Variants in ZFHX2 observed in about 807,000 individuals in gnomAD.
ZFHX2 encodes the protein zinc finger homeobox 2.
Under a neutral mutation model 164.8 loss-of-function variants are expected in ZFHX2, and 75 were observed. That is an observed-to-expected ratio of 0.46 (90% CI 0.38 to 0.55). ZFHX2 has a LOEUF of 0.55. Among genes scored for constraint, ZFHX2 ranks in the 20% least tolerant of loss-of-function variants. ZFHX2 has a pLI of 0.00. For missense variants in ZFHX2, 2,933 were observed against 3,308.0 expected (o/e 0.89, Z 2.78); for synonymous variants, 1,217 against 1,351.4 (o/e 0.90, Z 2.18).
In ZFHX2 at chr14:23,534,837, G is replaced by C; in HGVS notation, c.489C>G (p.Pro163=). 6.5e-7 allele frequency: 1 copy of C among 1,536,170 alleles called. No homozygotes were observed. The highest frequency in any genetic ancestry group is 8.7e-7 in the Non-Finnish European group (1 of 1,146,896). The part of the protein sequence containing the change: ...PSLPFLAYPP[P]SHLTALHIQH... Reference sequence around the variant, plus strand: ...GGATGTGAAGGGCAGTGAGGTGTGAGGGGGGTGGGTAGGCAAGGAAGGGCA... The same window carrying C: ...GGATGTGAAGGGCAGTGAGGTGTGACGGGGGTGGGTAGGCAAGGAAGGGCA... The change falls in exon 2 of 10, where the codon CCC becomes CCG. Residue 163 remains proline (P), a synonymous_variant. Coordinates refer to ENST00000419474, the MANE Select transcript of ZFHX2 (RefSeq NM_033400.3). The surrounding 1 kb of genome is among the most constrained non-coding windows in gnomAD (Gnocchi z 4.5).
rs980188777 is a variant in ZFHX2, at chr14:23,521,259, G to A, written c.*703C>T. ...CCCTGTCAGGCAAGGAGAGGGTTAG[G>A]AGGGAGAGGGTAGGAAGAGTGAACC... is the stretch of plus-strand genomic sequence containing the variant. On this transcript the variant is annotated 3_prime_UTR_variant, in exon 10 of 10. Transcript: ENST00000419474. The A allele has an allele frequency of 6.6e-6, 1 of 152,468 alleles. No homozygotes were observed. Among genetic ancestry groups the A allele is most frequent in the African/African-American group, 2.4e-5 (1 of 41,456 alleles). The allele number at this position is 152,468 out of a possible 1,614,324, so 9.4% of individuals were successfully genotyped here.
rs770776260 is a variant in ZFHX2 at position 23,522,751 on chromosome 14, G to A, written c.6930C>T (p.Ser2310=). 1.3e-4 allele frequency: 204 copies of A among 1,536,372 alleles called. No individual in the cohort carries two copies. The highest frequency in any genetic ancestry group is 1.6e-4 in the Non-Finnish European group (189 of 1,146,940). ...PPTEPLGDKV[S]SERKPVAGPT... is the part of the protein sequence containing the mutation. ...GGCCTGCAACTGGCTTTCGCTCACTGGAGACCTTGTCCCCCAAGGGCTCAG... is the reference window on the plus strand; with the variant it reads ...GGCCTGCAACTGGCTTTCGCTCACTAGAGACCTTGTCCCCCAAGGGCTCAG... The change falls in exon 10 of 10, where the codon TCC becomes TCT. Residue 2310 remains serine, a synonymous_variant. Transcript: ENST00000419474.
Position 23,528,648 on chromosome 14 carries a change from C to A in ZFHX2, c.2935-844G>T, listed in dbSNP as rs573671158. On this transcript the variant is annotated intron_variant, in intron 6 of 9. Coordinates refer to ENST00000419474, the MANE Select transcript of ZFHX2 (RefSeq NM_033400.3). ...CCCTACCTGTCTGCTCAGAAGCCAGCTCATCCTCCCTCAGGCTCAGCAGCT... is the reference window on the plus strand; with the variant it reads ...CCCTACCTGTCTGCTCAGAAGCCAGATCATCCTCCCTCAGGCTCAGCAGCT... 201 of 985,428 alleles carry A rather than the reference C, an allele frequency of 2.0e-4. 2 individuals carry two copies. The South Asian group carries it at 8.2e-3, about 40-fold the overall frequency. 61.0% of individuals were successfully genotyped at this position (985,428 alleles called of 1,614,324 possible). A position where few individuals can be genotyped will look rare whatever the true frequency, so the allele number is the denominator to read the frequency against.
In ZFHX2 at chr14:23,522,577, C is replaced by G. The variant is rs970999032; in HGVS notation, c.7104G>C (p.Gly2368=). 9 of 1,527,032 alleles carry G rather than the reference C, an allele frequency of 5.9e-6. No homozygotes were observed. Among genetic ancestry groups the G allele is most frequent in the Middle Eastern group, 1.7e-4 (1 of 5,918 alleles). The allele number at this position is 1,527,032 out of a possible 1,614,324, so 94.6% of individuals were successfully genotyped here. ...PPAVFGPQLQ[G]AYFQQLYGMK... ...TGCCATAGAGCTGTTGGAAGTAGGCCCCCTGTAGCTGGGGGCCAAAGACAG... is the reference window on the plus strand; with the variant it reads ...TGCCATAGAGCTGTTGGAAGTAGGCGCCCTGTAGCTGGGGGCCAAAGACAG... Residue 2368 remains glycine (G), a synonymous_variant, in exon 10 of 10, where the codon GGG becomes GGC. Transcript: ENST00000419474.
At chr14:23,553,616 C>T (rs966596450), upstream of ZFHX2, among the ~76,000 whole-genome samples, 5 of 150,584 alleles carry the variant, frequency 3.3e-5, no homozygotes, top group African/African-American at 7.3e-5. Context: ...AAAAACAGGC[C>T]GGGCGTGGTG....
intron 1 of ZFHX2, chr14:23,543,264 A>G (rs534827433): frequency 6.6e-6 from 1 of 152,342 alleles, no homozygotes; most frequent in Admixed American, 6.5e-5. Context: ...GTAGCTATTC[A>G]TTCCTATTTT....
intron 1 of ZFHX2, among the ~76,000 whole-genome samples, chr14:23,550,060 G>A (rs1291001372): frequency 1.3e-5 from 2 of 152,198 alleles, no homozygotes; most frequent in African/African-American, 2.4e-5. Context: ...GGGGAAGGGA[G>A]TAAAATTAAG....
rs1026495114 is a variant in ZFHX2, at chr14:23,526,645, A to T, written c.3297T>A (p.Asp1099Glu). Residue 1099 changes from aspartate to glutamate, a missense_variant, in exon 9 of 10, where the codon GAT (aspartate) becomes GAA (glutamate). Transcript: ENST00000419474. ...GPNLTPEASP[D>E]PLPEPPLASV... ...AGGCCAGGGGAGGCTCAGGAAGAGG[A>T]TCTGGACTGGCTTCTGGGGTCAGGT... 5.2e-6 allele frequency: 8 copies of T among 1,535,838 alleles called. No individual in the cohort carries two copies. Among genetic ancestry groups the T allele is most frequent in the Middle Eastern group, 3.3e-4 (2 of 6,012 alleles).
At chr14:23,530,056 A>G in intron 5 of ZFHX2, 64 bp downstream of exon 5, 1 of 1,396,932 alleles carries the variant, frequency 7.2e-7, no homozygotes, top group Non-Finnish European at 9.8e-7. Flanking sequence ...CTCCTGGATT[A>G]CTGCAAGGTC....
At chr14:23,527,438 C>T (rs1320406095) in intron 7 of ZFHX2, among the ~76,000 whole-genome samples, 166 bp downstream of exon 7, 1 of 152,168 alleles carries the variant, frequency 6.6e-6, no homozygotes, top group Non-Finnish European at 1.5e-5. Context: ...CTGGATGGCC[C>T]TAACAAGGCC....
At chr14:23,528,024 C>G (rs1358070279) in intron 6 of ZFHX2, among the ~76,000 whole-genome samples, 1 of 151,758 alleles carries the variant, frequency 6.6e-6, no homozygotes, top group Non-Finnish European at 1.5e-5. Context: ...CTCCTGCCCT[C>G]AGCCTCCCAA....
At chr14:23,537,862 C>A (rs1043560326) in intron 1 of ZFHX2, among the ~76,000 whole-genome samples, 12 of 152,174 alleles carry the variant, frequency 7.9e-5, no homozygotes, top group African/African-American at 2.9e-4. Context: ...CTTCCACTAC[C>A]CCACCTGGTG....
In ZFHX2 at chr14:23,525,157, G is replaced by A; in HGVS notation, c.4785C>T (p.Arg1595=). ...GNLPPLVPAG[R]RFSRTKFTEF... is the part of the protein sequence containing the mutation. Reference sequence around the variant, plus strand: ...CTGTGAACTTGGTTCTGGAGAACCGGCGGCCGGCAGGCACCAGGGGAGGAA... The same window carrying A: ...CTGTGAACTTGGTTCTGGAGAACCGACGGCCGGCAGGCACCAGGGGAGGAA... Residue 1595 remains arginine, a synonymous_variant, in exon 9 of 10, where the codon CGC becomes CGT. Transcript: ENST00000419474. This position sits in a 1 kb window ranked among gnomAD's most constrained non-coding sequence, Gnocchi z 5.9. 1 of 1,536,152 alleles carries A rather than the reference G, an allele frequency of 6.5e-7. No homozygotes were observed. Among genetic ancestry groups the A allele is most frequent in the Non-Finnish European group, 8.7e-7 (1 of 1,146,918 alleles).
chr14:23,538,903 G>A (rs1373679472), intron 1 of ZFHX2, among the ~76,000 whole-genome samples: 1 of 152,140 alleles, frequency 6.6e-6, no homozygotes, highest in African/African-American at 2.4e-5. Context: ...GCCACAGACG[G>A]CAGAAAGAGT....
rs1341704394 is a variant in ZFHX2, at chr14:23,523,239, G to C, written c.6703C>G (p.Gln2235Glu). ...PVLLSGPALA[Q>E]PPLGNLAPFN... ...GGAGCTAAGTTGCCCAGCGGGGGCT[G>C]AGCCAGAGCTGGGCCAGATAAGAGG... The change falls in exon 9 of 10, where the codon CAG (glutamine) becomes GAG (glutamate). Residue 2235 changes from glutamine (Q) to glutamate (E), a missense_variant. Gln to Glu is a conservative substitution (Grantham distance 29). Coordinates refer to ENST00000419474, the MANE Select transcript of ZFHX2 (RefSeq NM_033400.3). The surrounding 1 kb of genome is among the most constrained non-coding windows in gnomAD (Gnocchi z 4.1). 11 of 1,433,358 alleles carry C rather than the reference G, an allele frequency of 7.7e-6. No individual in the cohort carries two copies. Among genetic ancestry groups the C allele is most frequent in the Non-Finnish European group, 1.0e-5 (11 of 1,097,846 alleles). The allele number at this position is 1,433,358 out of a possible 1,614,324, so 88.8% of individuals were successfully genotyped here.
Position 23,533,994 on chromosome 14 carries a change from G to C in ZFHX2, c.1332C>G (p.Leu444=). ...GTGTCTTGCAGGAGTTGCGTGAGTG[G>C]AGCAGGGACATGTGGCTGGACAGGC... ...GLSLSSHMSL[L]HSRNSCKTLK... Residue 444 remains leucine, a synonymous_variant, in exon 2 of 10, where the codon CTC becomes CTG. Transcript: ENST00000419474. This position sits in a 1 kb window ranked among gnomAD's most constrained non-coding sequence, Gnocchi z 4.8. 2 of 1,537,462 alleles carry C rather than the reference G, an allele frequency of 1.3e-6. No individual in the cohort carries two copies. The highest frequency in any genetic ancestry group is 1.7e-6 in the Non-Finnish European group (2 of 1,146,948).
chr14:23,524,540 G>C lies in ZFHX2; in HGVS notation c.5402C>G (p.Pro1801Arg), dbSNP rs764169611. The C allele has an allele frequency of 9.2e-6, 14 of 1,527,374 alleles. No individual in the cohort carries two copies. The South Asian group carries it at 1.2e-4, about 13-fold the overall frequency. The allele number at this position is 1,527,374 out of a possible 1,614,324, so 94.6% of individuals were successfully genotyped here. The change falls in exon 9 of 10, where the codon CCC (proline) becomes CGC (arginine). Residue 1801 changes from proline (P) to arginine (R), a missense_variant. Coordinates refer to ENST00000419474, the MANE Select transcript of ZFHX2 (RefSeq NM_033400.3). The surrounding 1 kb of genome is among the most constrained non-coding windows in gnomAD (Gnocchi z 5.6). ...CAAGGGCAGATCTAGGAGTTGGGGGGGAGCACTGGGCTGCAGAGATGGCAG... is the reference window on the plus strand; with the variant it reads ...CAAGGGCAGATCTAGGAGTTGGGGGCGAGCACTGGGCTGCAGAGATGGCAG... ...HFLPSLQPSA[P>R]PQLLDLPLLV...
chr14:23,526,424 T>C lies in ZFHX2; in HGVS notation c.3518A>G (p.Tyr1173Cys), dbSNP rs1164392274. 34 of 1,536,122 alleles carry C rather than the reference T, an allele frequency of 2.2e-5. No homozygotes were observed. The highest frequency in any genetic ancestry group is 2.2e-4 in the African/African-American group (16 of 73,072). ...APADSRHPLT[Y>C]RKTTNFALDK... ...CAGGGCAAAGTTGGTGGTTTTCCGA[T>C]AGGTCAGAGGGTGGCGAGAGTCAGC... The change falls in exon 9 of 10, where the codon TAT becomes TGT. Residue 1173 changes from tyrosine to cysteine, a missense_variant. Tyr to Cys is a radical substitution (Grantham distance 194, BLOSUM62 -2). Transcript: ENST00000419474.
In ZFHX2 at chr14:23,525,082, G is replaced by T; in HGVS notation, c.4860C>A (p.Pro1620=). The T allele has an allele frequency of 6.5e-7, 1 of 1,536,136 alleles. No individual in the cohort carries two copies. Among genetic ancestry groups the T allele is most frequent in the Non-Finnish European group, 8.7e-7 (1 of 1,146,928 alleles). Residue 1620 remains proline, a synonymous_variant, in exon 9 of 10, where the codon CCC becomes CCA. Transcript: ENST00000419474. The surrounding 1 kb of genome is among the most constrained non-coding windows in gnomAD (Gnocchi z 5.9). ...CGAGTCGCTCCACCTCTCCGTCTTTGGGGTAGGCGCTAGTCTCAAAGAAAG... is the reference window on the plus strand; with the variant it reads ...CGAGTCGCTCCACCTCTCCGTCTTTTGGGTAGGCGCTAGTCTCAAAGAAAG... ...LQSFFETSAY[P]KDGEVERLAS... is the part of the protein sequence containing the mutation.
Sources: gnomAD v4.1 joint callset for allele counts (sites outside exome capture counted in the v4.1 genomes callset) on GRCh38, gnomAD v4.1.1 for gene constraint, Gnocchi (gnomAD v3.1) non-coding constraint, MANE v1.5 for transcripts, NCBI Gene and HGNC (gene_info 2026-07-23, HGNC 2026-07-21) for gene names.